Variants in RBFOX1 observed in about 807,000 individuals in gnomAD.
RBFOX1 encodes the protein RNA binding protein fox-1 homolog 1.
A neutral mutation model predicts 57.7 loss-of-function variants in RBFOX1; 8 were observed. The observed-to-expected ratio is 0.14, with a 90% CI of 0.08 to 0.25. RBFOX1 has a LOEUF of 0.25. Among genes scored for constraint, RBFOX1 ranks in the 10% least tolerant of loss-of-function variants. RBFOX1 has a pLI of 1.00. For synonymous variants in RBFOX1, 326 were observed against 222.4 expected, an observed-to-expected ratio of 1.47 and a Z score of -4.15; for missense variants, 611 against 548.5, an observed-to-expected ratio of 1.11 and a Z score of -1.14.
intron 2 of RBFOX1, among the ~76,000 whole-genome samples, chr16:5,582,630 A>C (rs528261196): frequency 7.1e-6 from 1 of 139,904 alleles, no homozygotes; most frequent in Non-Finnish European, 1.5e-5. Context: ...GGTTCGCTGC[A>C]GTGTCTGCCT....
intron 1 of RBFOX1, among the ~76,000 whole-genome samples, chr16:5,277,937 GTAAAT>G (rs2063181807): frequency 6.6e-6 from 1 of 152,046 alleles, no homozygotes; most frequent in East Asian, 1.9e-4. Flanking sequence ...CTTGGCTATT[GTAAAT>G]AGTGCTGCAG....
chr16:5,934,644 G>A (rs1212049550), intron 4 of RBFOX1, among the ~76,000 whole-genome samples: 2 of 152,140 alleles, frequency 1.3e-5, no homozygotes, highest in Non-Finnish European at 2.9e-5. Context: ...TGAGATGATG[G>A]ATATGCTGAT....
intron 1 of RBFOX1, among the ~76,000 whole-genome samples, chr16:5,373,606 CTT>C (rs566849528): frequency 1.4e-5 from 2 of 146,672 alleles, no homozygotes; most frequent in Non-Finnish European, 1.5e-5. Context: ...AACGTCTTTT[CTT>C]TTTTTTTTTG....
chr16:6,356,064 A>G (rs898668852), intron 2 of RBFOX1, among the ~76,000 whole-genome samples: 3 of 152,268 alleles, frequency 2.0e-5, no homozygotes, highest in African/African-American at 7.2e-5. Flanking sequence ...CAATAGTGAT[A>G]GAAATAAATG....
chr16:7,575,219 C>G (rs182001972), intron 5 of RBFOX1, among the ~76,000 whole-genome samples: 196 of 152,122 alleles, frequency 1.3e-3, no homozygotes, highest in Non-Finnish European at 2.5e-3. Context: ...ATTGTAACCT[C>G]TGCCTCCTGG....
intron 3 of RBFOX1, among the ~76,000 whole-genome samples, chr16:5,628,062 G>T (rs769035186): frequency 3.9e-5 from 6 of 152,294 alleles, no homozygotes; most frequent in Non-Finnish European, 7.4e-5. Flanking sequence ...AAGTAAAGTA[G>T]TATAAGGGTG....
intron 4 of RBFOX1, among the ~76,000 whole-genome samples, chr16:7,257,082 G>A (rs776800452): frequency 1.3e-5 from 2 of 152,114 alleles, no homozygotes; most frequent in Non-Finnish European, 1.5e-5. Flanking sequence ...GTCTAGAGCC[G>A]GGCTTTGCAT....
At chr16:6,790,734 C>G (rs1039795058) in intron 3 of RBFOX1, among the ~76,000 whole-genome samples, 1 of 152,116 alleles carries the variant, frequency 6.6e-6, no homozygotes, top group Non-Finnish European at 1.5e-5. Context: ...TTCTTCTTCT[C>G]CTGTGTCTCT....
chr16:6,729,925 C>G (rs561194942), intron 3 of RBFOX1, among the ~76,000 whole-genome samples: 1 of 151,964 alleles, frequency 6.6e-6, no homozygotes, highest in African/African-American at 2.4e-5. Context: ...ACAGGATGCC[C>G]GACTCCGAGA....
chr16:5,847,874 T>C (rs930232686), intron 3 of RBFOX1, among the ~76,000 whole-genome samples: 1 of 151,808 alleles, frequency 6.6e-6, no homozygotes, highest in Non-Finnish European at 1.5e-5. Flanking sequence ...TGTTAGTCAT[T>C]AGCATTGCCA....
At chr16:5,761,097 C>T (rs944477759) in intron 3 of RBFOX1, among the ~76,000 whole-genome samples, 1 of 152,126 alleles carries the variant, frequency 6.6e-6, no homozygotes, top group Non-Finnish European at 1.5e-5. Flanking sequence ...AATGCTAATG[C>T]AAGAGTTAGG....
chr16:7,402,963 G>C (rs2098269705), intron 4 of RBFOX1, among the ~76,000 whole-genome samples: 2 of 152,138 alleles, frequency 1.3e-5, no homozygotes, highest in East Asian at 1.9e-4. Context: ...AAAATTTGCA[G>C]TTTCTCCTCC....
At position 6,008,648 on chromosome 16, in the gene RBFOX1, G is replaced by A. The variant is rs549557663; in HGVS notation, c.351+141313G>A. 1.6e-3 allele frequency among the ~76,000 whole-genome samples: 245 copies of A among 152,280 alleles called. 7 individuals carry two copies. The South Asian group carries it at 0.049, about 31-fold the overall frequency. Reference sequence around the variant, plus strand: ...ACCAGGGGAGTTTGAAGATGGAGCAGAGGGAAGGGTTAACTGTTGGAAAAA... The same window carrying A: ...ACCAGGGGAGTTTGAAGATGGAGCAAAGGGAAGGGTTAACTGTTGGAAAAA... On this transcript the variant is annotated intron_variant, in intron 4 of 19. Transcript: ENST00000641259.
chr16:6,390,585 A>G (rs1326420252), intron 2 of RBFOX1, among the ~76,000 whole-genome samples: 1 of 152,186 alleles, frequency 6.6e-6, no homozygotes, highest in Non-Finnish European at 1.5e-5. Context: ...AACATATCAG[A>G]TAGTTATGAT....
chr16:7,391,062 G>A (rs1443053569), intron 4 of RBFOX1, among the ~76,000 whole-genome samples: 1 of 152,018 alleles, frequency 6.6e-6, no homozygotes, highest in Non-Finnish European at 1.5e-5. Flanking sequence ...TGTTCCTTCT[G>A]CTCCTAGTCC....
intron 4 of RBFOX1, among the ~76,000 whole-genome samples, chr16:7,350,033 G>A (rs150030354): frequency 7.4e-4 from 112 of 152,250 alleles, no homozygotes; most frequent in African/African-American, 2.4e-3. Context: ...TGTAGTTTCA[G>A]TTCCTTGGGT....
chr16:5,950,948 G>A (rs777462482), intron 4 of RBFOX1, among the ~76,000 whole-genome samples: 9 of 152,236 alleles, frequency 5.9e-5, no homozygotes, highest in Admixed American at 5.2e-4. Flanking sequence ...AAGTTGTACA[G>A]TGGTGGTGAC....
intron 1 of RBFOX1, among the ~76,000 whole-genome samples, chr16:6,103,591 C>T (rs986290823): frequency 6.6e-6 from 1 of 152,062 alleles, no homozygotes; most frequent in Non-Finnish European, 1.5e-5. Context: ...GATTCAGGCT[C>T]CTTCCATCTT....
At chr16:7,139,214 G>A (rs1162324243) in intron 4 of RBFOX1, among the ~76,000 whole-genome samples, 1 of 148,590 alleles carries the variant, frequency 6.7e-6, no homozygotes, top group African/African-American at 2.5e-5. Flanking sequence ...GTGTGTTTGT[G>A]TGTGTGTGTG....
Sources: allele counts gnomAD v4.1 joint callset (sites outside exome capture counted in the v4.1 genomes callset), GRCh38; gene constraint gnomAD v4.1.1; transcripts MANE v1.5; gene names NCBI Gene and HGNC (gene_info 2026-07-23, HGNC 2026-07-21).